The following AZI2 variants were observed in gnomAD, a reference collection of about 807,000 sequenced individuals.
AZI2 encodes 5-azacytidine induced 2.
Under a neutral mutation model 45.8 loss-of-function variants are expected in AZI2, and 22 were observed. The ratio of observed to expected loss-of-function variants is 0.48; its 90% CI spans 0.34 to 0.69. AZI2 has a LOEUF of 0.69. AZI2 is among the 30% of genes least tolerant of loss of function. The probability of loss-of-function intolerance (pLI) is 0.01; values close to 1 mark genes in which losing one functional copy is unlikely to be tolerated. For synonymous variants in AZI2, 137 were observed against 156.7 expected (o/e 0.87, Z 0.94); for missense variants, 417 against 441.5 (o/e 0.94, Z 0.50).
intron 6 of AZI2, among the ~76,000 whole-genome samples, chr3:28,330,682 C>T (rs1028081610): frequency 1.3e-5 from 2 of 151,236 alleles, no homozygotes; most frequent in Admixed American, 6.6e-5. Flanking sequence ...TAGTACATAA[C>T]CAGAAGAGAG....
chr3:28,343,948 G>T (rs1203819626), intron 1 of AZI2, among the ~76,000 whole-genome samples: 1 of 151,864 alleles, frequency 6.6e-6, no homozygotes, highest in Non-Finnish European at 1.5e-5. Context: ...CTATTGATAT[G>T]CTACCTTTTT....
intron 1 of AZI2, among the ~76,000 whole-genome samples, chr3:28,342,568 C>T (rs1213482592): frequency 1.3e-5 from 2 of 151,988 alleles, no homozygotes; most frequent in African/African-American, 4.8e-5. Flanking sequence ...CAATGATATT[C>T]CAAAATAAGA....
chr3:28,339,335 T>C (rs1448315831), intron 2 of AZI2, among the ~76,000 whole-genome samples: 1 of 152,130 alleles, frequency 6.6e-6, no homozygotes. Context: ...AAATCCTTTA[T>C]ATTACAGGAT....
chr3:28,323,940 A>G lies in AZI2; in HGVS notation c.*102T>C. The G allele has an allele frequency of 2.9e-6, 4 of 1,389,156 alleles. No individual in the cohort carries two copies. Among genetic ancestry groups the G allele is most frequent in the Non-Finnish European group, 2.9e-6 (3 of 1,021,656 alleles). 86.1% of individuals were successfully genotyped at this position (1,389,156 alleles called of 1,614,324 possible). ...AATATAGATACTGAAGACCTCTGCA[A>G]AATTTTAATCAAAATCTCCTTTCAG... On this transcript the variant is annotated 3_prime_UTR_variant, in exon 8 of 8. Coordinates refer to ENST00000479665, the MANE Select transcript of AZI2 (RefSeq NM_022461.5).
intron 7 of AZI2, 45 bp from the exon 8 acceptor site, chr3:28,324,499 T>C: frequency 7.1e-7 from 1 of 1,399,946 alleles, no homozygotes; most frequent in Non-Finnish European, 9.4e-7. Context: ...ATTACATTTG[T>C]GATCATAAAA....
chr3:28,343,409 G>A (rs1479845554), intron 1 of AZI2, among the ~76,000 whole-genome samples: 1 of 151,940 alleles, frequency 6.6e-6, no homozygotes, highest in Non-Finnish European at 1.5e-5. Flanking sequence ...GATTAAAAAG[G>A]CAGGATGGAG....
At chr3:28,341,684 C>T (rs903532768) in intron 1 of AZI2, 25 of 151,870 alleles carry the variant, frequency 1.6e-4, no homozygotes, top group African/African-American at 6.0e-4. Flanking sequence ...TTAGACCATG[C>T]AAGAGAACCT....
At position 28,335,227 on chromosome 3, in the gene AZI2, C is replaced by T. The variant is rs80048932; in HGVS notation, c.588+1510G>A. Among the ~76,000 whole-genome samples, 742 of 152,042 alleles carry T rather than the reference C, an allele frequency of 4.9e-3. 47 individuals carry two copies. The East Asian group carries it at 0.13, about 27-fold the overall frequency. On this transcript the variant is annotated intron_variant, in intron 5 of 7. Coordinates refer to ENST00000479665, the MANE Select transcript of AZI2 (RefSeq NM_022461.5). Reference sequence around the variant, plus strand: ...ACACCAAAATTATGAGCTAAGTTTCCGATTCCATGGTACTGCTTGCTACAC... The same window carrying T: ...ACACCAAAATTATGAGCTAAGTTTCTGATTCCATGGTACTGCTTGCTACAC...
Position 28,322,082 on chromosome 3 carries a change from T to C in AZI2, c.*1960A>G, listed in dbSNP as rs929211610. On this transcript the variant is annotated 3_prime_UTR_variant, in exon 8 of 8. Transcript: ENST00000479665. ...TAGAACAGAGATATCAAGTGTAGAT[T>C]TAAAAGCTTCTAGCTGGGTAAAAAA... The C allele has an allele frequency of 3.3e-5, 5 of 150,904 alleles. No homozygotes were observed. Among genetic ancestry groups the C allele is most frequent in the Admixed American group, 2.0e-4 (3 of 15,086 alleles). The allele number at this position is 150,904 out of a possible 1,614,324, so 9.3% of individuals were successfully genotyped here.
chr3:28,324,641 A>G (rs1703314342), intron 7 of AZI2, 187 bp from the exon 8 acceptor site: 1 of 450,684 alleles, frequency 2.2e-6, no homozygotes, highest in Non-Finnish European at 3.7e-6. Flanking sequence ...CTGGATCAGC[A>G]ATTTACTGTG....
chr3:28,324,645 T>C (rs1469212855), intron 7 of AZI2, 191 bp from the exon 8 acceptor site: 1 of 441,314 alleles, frequency 2.3e-6, no homozygotes, highest in Non-Finnish European at 3.8e-6. Flanking sequence ...ATCAGCAATT[T>C]ACTGTGACTT....
intron 6 of AZI2, among the ~76,000 whole-genome samples, chr3:28,329,386 CA>C (rs1703495901): frequency 6.6e-6 from 1 of 151,042 alleles, no homozygotes; most frequent in Non-Finnish European, 1.5e-5. Flanking sequence ...CATCAATTAC[CA>C]AGCACCTACA....
chr3:28,340,957 T>A (rs1034734959), intron 1 of AZI2, among the ~76,000 whole-genome samples: 21 of 152,044 alleles, frequency 1.4e-4, no homozygotes, highest in Non-Finnish European at 2.8e-4. Context: ...ACAATCAAAA[T>A]TTTTTAAAAT....
intron 6 of AZI2, among the ~76,000 whole-genome samples, chr3:28,332,145 C>A (rs1703603396): frequency 6.6e-6 from 1 of 151,592 alleles, no homozygotes. Context: ...ACTAAATGTT[C>A]AGAAAGTTTA....
Position 28,348,816 on chromosome 3 carries a change from T to A in AZI2, c.-221A>T. ...GACTCGGCAGGAGCCCGGGACGTTC[T>A]GGAAGGAGGGACGAGCCGAGGCAGG... is the stretch of plus-strand genomic sequence containing the variant. On this transcript the variant is annotated 5_prime_UTR_variant, in exon 1 of 8. Coordinates refer to ENST00000479665, the MANE Select transcript of AZI2 (RefSeq NM_022461.5). 2 of 349,332 alleles carry A rather than the reference T, an allele frequency of 5.7e-6. No homozygotes were observed. Among genetic ancestry groups the A allele is most frequent in the Non-Finnish European group, 8.0e-6 (2 of 248,552 alleles). 21.6% of individuals were successfully genotyped at this position (349,332 alleles called of 1,614,324 possible). A position where few individuals can be genotyped will look rare whatever the true frequency, so the allele number is the denominator to read the frequency against.
intron 1 of AZI2, among the ~76,000 whole-genome samples, chr3:28,345,521 G>A (rs1704189363): frequency 6.6e-6 from 1 of 151,962 alleles, no homozygotes; most frequent in Non-Finnish European, 1.5e-5. Flanking sequence ...AATATAAAAA[G>A]CGAATTAGAA....
chr3:28,332,462 T>C (rs775814419), intron 5 of AZI2, 35 bp from the exon 6 acceptor site: 1 of 1,563,866 alleles, frequency 6.4e-7, no homozygotes, highest in Non-Finnish European at 8.8e-7. Flanking sequence ...GTTTAAAAGT[T>C]GTAATTTTTA....
chr3:28,330,375 A>G (rs1703527825), intron 6 of AZI2, among the ~76,000 whole-genome samples: 1 of 151,426 alleles, frequency 6.6e-6, no homozygotes. Context: ...AGTTATCTAA[A>G]TAACTGAAAA....
intron 1 of AZI2, among the ~76,000 whole-genome samples, chr3:28,343,927 G>A: frequency 6.6e-6 from 1 of 152,092 alleles, no homozygotes; most frequent in Non-Finnish European, 1.5e-5. Flanking sequence ...TGAGTAGTCA[G>A]ACTGGTTTAC....
Sources: allele counts gnomAD v4.1 joint callset (sites outside exome capture counted in the v4.1 genomes callset), GRCh38; gene constraint gnomAD v4.1.1; transcripts MANE v1.5; gene names NCBI Gene and HGNC (gene_info 2026-07-23, HGNC 2026-07-21).